RPS6KA2: variants seen among roughly 807,000 people sequenced by gnomAD.
The protein encoded by RPS6KA2 is ribosomal protein S6 kinase alpha-2.
A neutral mutation model predicts 91.8 loss-of-function variants in RPS6KA2; 42 were observed. The observed-to-expected ratio is 0.46, with a 90% CI of 0.36 to 0.59. RPS6KA2 has a LOEUF of 0.59. Among genes scored for constraint, RPS6KA2 ranks in the 20% least tolerant of loss-of-function variants. RPS6KA2 has a pLI of 0.00. For synonymous variants in RPS6KA2, 414 were observed against 393.6 expected (o/e 1.05, Z -0.61); for missense variants, 798 against 978.5 (o/e 0.82, Z 2.46).
chr6:166,824,354 G>C (rs893437024), intron 2 of RPS6KA2, among the ~76,000 whole-genome samples: 1 of 152,214 alleles, frequency 6.6e-6, no homozygotes, highest in African/African-American at 2.4e-5. Flanking sequence ...TCTCCAGATA[G>C]CAGCCTGTCC....
intron 1 of RPS6KA2, among the ~76,000 whole-genome samples, chr6:166,541,146 T>A (rs974155806): frequency 4.6e-5 from 7 of 152,098 alleles, no homozygotes; most frequent in African/African-American, 1.7e-4. Context: ...ACGCCCACAC[T>A]ATGAAAAAAG....
intron 2 of RPS6KA2, among the ~76,000 whole-genome samples, chr6:166,534,309 A>C (rs1451777745): frequency 6.6e-6 from 1 of 151,920 alleles, no homozygotes; most frequent in Non-Finnish European, 1.5e-5. Flanking sequence ...AGGCCCAGCT[A>C]TCCGGGAGGC....
At position 166,800,816 on chromosome 6, in the gene RPS6KA2, A is replaced by G. The variant is rs958164283; in HGVS notation, c.123+57384T>C. On this transcript the variant is annotated intron_variant, in intron 2 of 21. Transcript: ENST00000503859. ...ATCGTTTCCTTAACTCAAGGAAGATACCTGATTTCATGGCAGGCACTGGAA... is the reference window on the plus strand; with the variant it reads ...ATCGTTTCCTTAACTCAAGGAAGATGCCTGATTTCATGGCAGGCACTGGAA... Among the ~76,000 whole-genome samples the G allele has an allele frequency of 4.6e-5, 7 of 152,326 alleles. No individual in the cohort carries two copies. The South Asian group carries it at 1.5e-3, about 32-fold the overall frequency.
intron 2 of RPS6KA2, among the ~76,000 whole-genome samples, chr6:166,816,928 A>G (rs1379444637): frequency 2.0e-5 from 3 of 152,150 alleles, no homozygotes; most frequent in South Asian, 2.1e-4. Context: ...TGAAACATGG[A>G]AAAAATCACC....
intron 10 of RPS6KA2, among the ~76,000 whole-genome samples, chr6:166,470,916 A>G (rs34352661): frequency 0.18 from 26,712 of 152,140 alleles, 3,080 homozygotes; most frequent in East Asian, 0.42. Context: ...TGGGACGGCC[A>G]CAGAGGAGCC....
At chr6:166,785,880 T>G (rs1778916078) in intron 2 of RPS6KA2, among the ~76,000 whole-genome samples, 1 of 152,236 alleles carries the variant, frequency 6.6e-6, no homozygotes, top group Admixed American at 6.5e-5. Flanking sequence ...TTTTTTACCT[T>G]TCTTCCTTTT....
chr6:166,811,521 G>A (rs1209052444), intron 2 of RPS6KA2, among the ~76,000 whole-genome samples: 2 of 152,232 alleles, frequency 1.3e-5, no homozygotes, highest in Non-Finnish European at 2.9e-5. Flanking sequence ...CTGCTCCAGA[G>A]GCTGAGGTGG....
At chr6:166,833,572 A>G (rs1780240173) in intron 2 of RPS6KA2, among the ~76,000 whole-genome samples, 2 of 152,098 alleles carry the variant, frequency 1.3e-5, no homozygotes, top group African/African-American at 4.8e-5. Context: ...GGCAGCCCAC[A>G]CATCCTGGAC....
chr6:166,610,188 G>A (rs924728720), intron 1 of RPS6KA2, among the ~76,000 whole-genome samples: 3 of 152,168 alleles, frequency 2.0e-5, no homozygotes, highest in Non-Finnish European at 2.9e-5. Context: ...CAACTACAAC[G>A]TGAGGCACGT....
At chr6:166,609,606 T>A (rs1238861065) in intron 1 of RPS6KA2, among the ~76,000 whole-genome samples, 2 of 151,778 alleles carry the variant, frequency 1.3e-5, no homozygotes, top group East Asian at 1.9e-4. Flanking sequence ...TTCAAGCAAT[T>A]CTCCTGACTC....
chr6:166,430,674 C>A (rs1779096773), intron 15 of RPS6KA2, 63 bp from the exon 16 acceptor site: 1 of 1,527,192 alleles, frequency 6.5e-7, no homozygotes. Context: ...AGCAACTACT[C>A]CAGAGGGGAC....
At chr6:166,837,053 C>T (rs571510413) in intron 2 of RPS6KA2, among the ~76,000 whole-genome samples, 123 of 152,318 alleles carry the variant, frequency 8.1e-4, no homozygotes, top group African/African-American at 2.7e-3. Context: ...GAGCAGGTGC[C>T]GCTCACCTGG....
chr6:166,771,999 G>A (rs1221695444), intron 2 of RPS6KA2, among the ~76,000 whole-genome samples: 1 of 151,950 alleles, frequency 6.6e-6, no homozygotes, highest in Non-Finnish European at 1.5e-5. Context: ...GTTTATCGAG[G>A]TGAGAATCAT....
intron 1 of RPS6KA2, among the ~76,000 whole-genome samples, chr6:166,624,842 C>CT (rs35217062): frequency 0.011 from 1,635 of 147,098 alleles, 23 homozygotes; most frequent in South Asian, 0.061. Flanking sequence ...TAGCATTGAC[C>CT]TTTTTTTTTT....
chr6:166,779,538 C>A (rs1425680611), intron 2 of RPS6KA2, among the ~76,000 whole-genome samples: 1 of 152,086 alleles, frequency 6.6e-6, no homozygotes, highest in Non-Finnish European at 1.5e-5. Flanking sequence ...AGGGGAGAGC[C>A]CAGGGCTAAG....
chr6:166,779,288 A>G (rs1482971743), intron 2 of RPS6KA2, among the ~76,000 whole-genome samples: 2 of 152,216 alleles, frequency 1.3e-5, no homozygotes, highest in Non-Finnish European at 2.9e-5. Flanking sequence ...AGTAAGCTTC[A>G]AAAGCAAAGA....
At chr6:166,520,049 T>C (rs541254035) in intron 3 of RPS6KA2, among the ~76,000 whole-genome samples, 1 of 152,078 alleles carries the variant, frequency 6.6e-6, no homozygotes, top group Non-Finnish European at 1.5e-5. Flanking sequence ...AGGGCCAGAA[T>C]AGAACAAAAA....
chr6:166,449,840 G>GA (rs1317317177), intron 13 of RPS6KA2, among the ~76,000 whole-genome samples: 8 of 145,818 alleles, frequency 5.5e-5, no homozygotes, highest in South Asian at 2.2e-4. Flanking sequence ...ACCACCACGG[G>GA]ACAACCACGA....
chr6:166,604,527 G>T (rs909879741), intron 1 of RPS6KA2, among the ~76,000 whole-genome samples: 1 of 152,206 alleles, frequency 6.6e-6, no homozygotes, highest in African/African-American at 2.4e-5. Flanking sequence ...GGAGCTTCCC[G>T]GGCGGGGCCA....
Sources: gnomAD v4.1 joint callset for allele counts (sites outside exome capture counted in the v4.1 genomes callset) on GRCh38, gnomAD v4.1.1 for gene constraint, MANE v1.5 for transcripts, NCBI Gene and HGNC (gene_info 2026-07-23, HGNC 2026-07-21) for gene names.